The following PLCH1 variants were observed in gnomAD, a reference collection of about 807,000 sequenced individuals.
The protein encoded by PLCH1 is 1-phosphatidylinositol 4,5-bisphosphate phosphodiesterase eta-1.
Under a neutral mutation model 126.7 loss-of-function variants are expected in PLCH1, and 60 were observed. The observed-to-expected ratio is 0.47, with a 90% CI of 0.38 to 0.59. The LOEUF is 0.59. PLCH1 is among the 20% of genes least tolerant of loss of function. PLCH1 has a pLI of 0.00. For synonymous variants in PLCH1, 719 were observed against 734.9 expected (o/e 0.98, Z 0.35); for missense variants, 1,723 against 2,040.0 (o/e 0.84, Z 2.99).
chr3:155,594,457 T>C (rs1434560111), intron 3 of PLCH1, among the ~76,000 whole-genome samples: 1 of 151,778 alleles, frequency 6.6e-6, no homozygotes, highest in Non-Finnish European at 1.5e-5. Flanking sequence ...CCTGTAGTCC[T>C]AGCTACTCAG....
At chr3:155,474,216 A>C (rs1256982444) in intron 21 of PLCH1, among the ~76,000 whole-genome samples, 2 of 149,488 alleles carry the variant, frequency 1.3e-5, no homozygotes, top group African/African-American at 2.4e-5. Flanking sequence ...CAATGAACTC[A>C]AACAAATTTA....
At chr3:155,710,602 G>T (rs1747034554) in intron 1 of PLCH1, among the ~76,000 whole-genome samples, 1 of 152,138 alleles carries the variant, frequency 6.6e-6, no homozygotes, top group Non-Finnish European at 1.5e-5. Context: ...GGAGGCCGAG[G>T]TGGGCAGATC....
downstream of PLCH1, among the ~76,000 whole-genome samples, chr3:155,475,831 C>T (rs931667431): frequency 6.6e-6 from 1 of 152,008 alleles, no homozygotes; most frequent in Admixed American, 6.6e-5. Context: ...AAAAGTCTCT[C>T]AGTAGAGAAA....
At chr3:155,600,198 C>T (rs563523722) in intron 2 of PLCH1, among the ~76,000 whole-genome samples, 1 of 152,188 alleles carries the variant, frequency 6.6e-6, no homozygotes, top group East Asian at 1.9e-4. Flanking sequence ...TGGTTAGCAC[C>T]CTCAATAACT....
At chr3:155,645,739 A>G (rs1739954148) in intron 2 of PLCH1, among the ~76,000 whole-genome samples, 1 of 152,070 alleles carries the variant, frequency 6.6e-6, no homozygotes, top group African/African-American at 2.4e-5. Context: ...TGCTGGGAGA[A>G]GTTTTTTAAA....
rs57141788 is a variant in PLCH1, at chr3:155,503,537, CT to C, written c.1704+1017del. Among the ~76,000 whole-genome samples the C allele has an allele frequency of 1.1e-3, 152 of 144,376 alleles. 1 individual carries two copies. The East Asian group carries it at 0.011, about 11-fold the overall frequency. 94.7% of individuals were successfully genotyped at this position (144,376 alleles called of 152,430 possible). On this transcript the variant is annotated intron_variant, in intron 13 of 22. Transcript: ENST00000460012. ...TCAATATAAGTATTGTTACTTCTGT[CT>C]TTTTTTTTTTTTTCTGTAGATGGAG...
chr3:155,537,210 A>AAAAAC (rs1723526810), intron 10 of PLCH1, among the ~76,000 whole-genome samples: 1 of 6,732 alleles, frequency 1.5e-4, no homozygotes, highest in African/African-American at 2.6e-4. Flanking sequence ...ACCAAAAAAA[A>AAAAAC]AAAAAAAAAA....
chr3:155,568,348 GAGTAC>G (rs1281144970), intron 6 of PLCH1, 24 bp from the exon 7 acceptor site: 1 of 949,088 alleles, frequency 1.1e-6, no homozygotes, highest in Admixed American at 2.0e-5. Flanking sequence ...AATACTAGTA[GAGTAC>G]CTGCAATTTC....
intron 12 of PLCH1, among the ~76,000 whole-genome samples, chr3:155,513,084 T>C (rs570323763): frequency 2.6e-5 from 4 of 152,326 alleles, no homozygotes; most frequent in East Asian, 3.9e-4. Context: ...GCACTGTTAA[T>C]TGACGGTCCA....
At chr3:155,474,328 G>T (rs1279893460) in intron 21 of PLCH1, among the ~76,000 whole-genome samples, 1 of 149,718 alleles carries the variant, frequency 6.7e-6, no homozygotes, top group East Asian at 2.1e-4. Flanking sequence ...ATGAAAAAAT[G>T]CTCATCATCA....
At chr3:155,579,447 A>T (rs1451250644) in intron 6 of PLCH1, among the ~76,000 whole-genome samples, 1 of 152,220 alleles carries the variant, frequency 6.6e-6, no homozygotes, top group African/African-American at 2.4e-5. Context: ...TATAAGTCAC[A>T]AAGTCAAGGA....
chr3:155,485,380 T>C lies in PLCH1; in HGVS notation c.2950A>G (p.Ile984Val). The C allele has an allele frequency of 6.2e-7, 1 of 1,602,690 alleles. No homozygotes were observed. The highest frequency in any genetic ancestry group is 8.5e-7 in the Non-Finnish European group (1 of 1,170,468). The change falls in exon 22 of 23, where the codon ATT (isoleucine) becomes GTT (valine). Residue 984 changes from isoleucine (I) to valine (V), a missense_variant. Ile to Val is a conservative substitution (Grantham distance 29). Around this residue, in one of 2 missense-constraint regions of PLCH1, gnomAD observed 947 missense variants for 977.1 expected, o/e 0.97. Coordinates refer to ENST00000460012, the MANE Select transcript of PLCH1 (RefSeq NM_014996.4). Reference sequence around the variant, plus strand: ...CCTAGAGAGTTTTCTTTTCCTTCAATGTCTTTTGCTGTTTCAGATACAGGC... The same window carrying C: ...CCTAGAGAGTTTTCTTTTCCTTCAACGTCTTTTGCTGTTTCAGATACAGGC... ...SLPVSETAKD[I>V]EGKENSLAED...
chr3:155,511,829 G>A (rs548494755), intron 12 of PLCH1, among the ~76,000 whole-genome samples: 1,734 of 151,714 alleles, frequency 0.011, 24 homozygotes, highest in African/African-American at 0.04. Flanking sequence ...TGCCCCCAGA[G>A]GTGGAGCCTA....
chr3:155,467,854 G>A (rs2107978977), intron 21 of PLCH1, among the ~76,000 whole-genome samples: 1 of 152,244 alleles, frequency 6.6e-6, no homozygotes, highest in Middle Eastern at 3.4e-3. Context: ...ATGTTAAAGG[G>A]AATACTTCAG....
In PLCH1 at chr3:155,709,093, C is replaced by T. The variant is rs181994445; in HGVS notation, c.-40-4829G>A. ...GTGATATGCATTTAATGTTCTACGT[C>T]TTTTCATGGCTTGAGAGCTCATTTC... On this transcript the variant is annotated intron_variant, in intron 1 of 22. Transcript: ENST00000460012. 2.1e-3 allele frequency among the ~76,000 whole-genome samples: 316 copies of T among 152,326 alleles called. 2 individuals carry two copies. The highest frequency in any genetic ancestry group is 0.014 in the South Asian group (70 of 4,832).
chr3:155,609,407 G>T (rs1007048595), intron 2 of PLCH1, among the ~76,000 whole-genome samples: 2 of 152,090 alleles, frequency 1.3e-5, no homozygotes, highest in Non-Finnish European at 2.9e-5. Flanking sequence ...CCCTTGAATC[G>T]CAGATCTTTC....
intron 2 of PLCH1, 35 bp downstream of exon 2, chr3:155,704,111 A>G (rs1746478665): frequency 1.0e-6 from 1 of 961,604 alleles, no homozygotes; most frequent in East Asian, 3.3e-5. Context: ...AACAAAATAA[A>G]AGATCCAACT....
At chr3:155,619,123 C>A (rs1395841511) in intron 2 of PLCH1, among the ~76,000 whole-genome samples, 1 of 150,272 alleles carries the variant, frequency 6.7e-6, no homozygotes, top group Non-Finnish European at 1.5e-5. Context: ...CACTGAGAGC[C>A]CCCAGAACTT....
At position 155,554,099 on chromosome 3, in the gene PLCH1, G is replaced by C; in HGVS notation, c.1167C>G (p.Asn389Lys). 1 of 1,613,990 alleles carries C rather than the reference G, an allele frequency of 6.2e-7. No homozygotes were observed. Among genetic ancestry groups the C allele is most frequent in the Non-Finnish European group, 8.5e-7 (1 of 1,179,892 alleles). Residue 389 changes from asparagine to lysine, a missense_variant, in exon 9 of 23, where the codon AAC becomes AAG. Physicochemically the swap from Asn to Lys is moderately conservative, Grantham distance 94 (BLOSUM62 0). Coordinates refer to ENST00000460012, the MANE Select transcript of PLCH1 (RefSeq NM_014996.4). ...ACTCATTCTTCACAAAGGCATGCTT[G>C]TTGATGGTCTCCACAACATCTCTGA... ...ILFRDVVETINKHAFVKNEFP... is the reference protein window; with the variant it reads ...ILFRDVVETIKKHAFVKNEFP...
Sources: allele counts gnomAD v4.1 joint callset (sites outside exome capture counted in the v4.1 genomes callset), GRCh38; gene constraint gnomAD v4.1.1; regional missense constraint gnomAD v4.1.1; transcripts MANE v1.5; gene names NCBI Gene and HGNC (gene_info 2026-07-23, HGNC 2026-07-21).